The following ADAMTS19 variants were observed in gnomAD, a reference collection of about 807,000 sequenced individuals.
ADAMTS19 encodes the protein A disintegrin and metalloproteinase with thrombospondin motifs 19.
A neutral mutation model predicts 153.3 loss-of-function variants in ADAMTS19; 93 were observed. That is an observed-to-expected ratio of 0.61 (90% confidence interval 0.51 to 0.72). The LOEUF is 0.72. Among genes scored for constraint, ADAMTS19 ranks in the 30% least tolerant of loss-of-function variants. The probability of loss-of-function intolerance (pLI) is 0.00; values close to 1 mark genes in which losing one functional copy is unlikely to be tolerated. For missense variants in ADAMTS19, 1,482 were observed against 1,552.1 expected (o/e 0.95, Z 0.76); for synonymous variants, 600 against 556.6 (o/e 1.08, Z -1.10).
chr5:129,662,527 A>C (rs1753856247), intron 15 of ADAMTS19, among the ~76,000 whole-genome samples: 1 of 152,240 alleles, frequency 6.6e-6, no homozygotes, highest in African/African-American at 2.4e-5. Flanking sequence ...TGTAAATATA[A>C]CTATAAACTT....
At chr5:129,505,542 T>C (rs1751243065) in intron 2 of ADAMTS19, among the ~76,000 whole-genome samples, 1 of 152,138 alleles carries the variant, frequency 6.6e-6, no homozygotes, top group African/African-American at 2.4e-5. Flanking sequence ...ATGTTTTGAT[T>C]AGAAGTTGGT....
chr5:129,582,004 G>A (rs1392690738), intron 7 of ADAMTS19, among the ~76,000 whole-genome samples: 1 of 151,908 alleles, frequency 6.6e-6, no homozygotes, highest in Non-Finnish European at 1.5e-5. Context: ...TTGCTGAGGA[G>A]TGTTTTATTT....
chr5:129,547,091 T>C (rs554054592), intron 6 of ADAMTS19, among the ~76,000 whole-genome samples: 2 of 150,816 alleles, frequency 1.3e-5, no homozygotes, highest in African/African-American at 5.0e-5. Flanking sequence ...ATGGAAGAAA[T>C]GACTGTGCAG....
chr5:129,714,905 CTG>C (rs1458080428), intron 21 of ADAMTS19, among the ~76,000 whole-genome samples: 1 of 152,178 alleles, frequency 6.6e-6, no homozygotes, highest in Non-Finnish European at 1.5e-5. Context: ...TGCAAACAAT[CTG>C]TGTGTCCATT....
chr5:129,517,329 T>G (rs1751648043), intron 3 of ADAMTS19, among the ~76,000 whole-genome samples: 1 of 151,958 alleles, frequency 6.6e-6, no homozygotes, highest in South Asian at 2.1e-4. Context: ...AAATCTGATA[T>G]TTCTTGGTTG....
At chr5:129,522,328 C>CATATATATATATAT (rs1302441781) in intron 3 of ADAMTS19, among the ~76,000 whole-genome samples, 1 of 88,200 alleles carries the variant, frequency 1.1e-5, no homozygotes, top group African/African-American at 5.8e-5. Context: ...CACACACACA[C>CATATATATATATAT]ACACATATAT....
chr5:129,542,409 G>A (rs1372799522), intron 6 of ADAMTS19, among the ~76,000 whole-genome samples: 1 of 152,194 alleles, frequency 6.6e-6, no homozygotes, highest in Non-Finnish European at 1.5e-5. Context: ...AGGGACTAGA[G>A]TTGGGGAAGG....
At chr5:129,690,206 A>T (rs570576600) in intron 18 of ADAMTS19, among the ~76,000 whole-genome samples, 2 of 152,260 alleles carry the variant, frequency 1.3e-5, no homozygotes, top group South Asian at 4.1e-4. Flanking sequence ...TAATAATAAA[A>T]TCACCTTACT....
chr5:129,529,585 A>C (rs1364648334), intron 6 of ADAMTS19, among the ~76,000 whole-genome samples: 1 of 152,198 alleles, frequency 6.6e-6, no homozygotes, highest in African/African-American at 2.4e-5. Flanking sequence ...ATAAGACTGC[A>C]ATTCCTGAAA....
intron 21 of ADAMTS19, among the ~76,000 whole-genome samples, chr5:129,727,616 A>C (rs955981089): frequency 2.0e-5 from 3 of 152,128 alleles, no homozygotes; most frequent in Non-Finnish European, 4.4e-5. Flanking sequence ...TAATTCCAGC[A>C]CTTCTTGCCT....
chr5:129,677,490 A>T (rs981006344), intron 16 of ADAMTS19, among the ~76,000 whole-genome samples: 29 of 150,810 alleles, frequency 1.9e-4, no homozygotes, highest in African/African-American at 5.4e-4. Flanking sequence ...AAAAAAAAAA[A>T]GTTAACTTCT....
At chr5:129,641,830 CT>C (rs1752800103) in intron 10 of ADAMTS19, 28 bp from the exon 11 acceptor site, 2 of 1,451,866 alleles carry the variant, frequency 1.4e-6, no homozygotes, top group Non-Finnish European at 1.9e-6. Flanking sequence ...ATACCTTCCC[CT>C]TATTAGTTAT....
intron 11 of ADAMTS19, among the ~76,000 whole-genome samples, chr5:129,646,655 A>T (rs1226081580): frequency 6.6e-6 from 1 of 152,176 alleles, no homozygotes; most frequent in African/African-American, 2.4e-5. Flanking sequence ...TCCTAAAAAA[A>T]ACTGTTAGGT....
intron 8 of ADAMTS19, among the ~76,000 whole-genome samples, chr5:129,613,306 G>A (rs1237421904): frequency 2.6e-5 from 4 of 152,162 alleles, no homozygotes; most frequent in Admixed American, 6.6e-5. Flanking sequence ...TTCAGCAAAT[G>A]TAAAAGAACA....
chr5:129,605,224 C>G (rs1325918795), intron 8 of ADAMTS19, among the ~76,000 whole-genome samples: 3 of 152,184 alleles, frequency 2.0e-5, no homozygotes, highest in Admixed American at 6.5e-5. Flanking sequence ...CTTCTTTACT[C>G]AGAACCTTCC....
At chr5:129,696,768 T>C (rs960288082) in intron 19 of ADAMTS19, among the ~76,000 whole-genome samples, 1 of 152,134 alleles carries the variant, frequency 6.6e-6, no homozygotes, top group Non-Finnish European at 1.5e-5. Flanking sequence ...TGATTGGCTA[T>C]TGGTTGAGGG....
At chr5:129,735,391 C>G (rs1021929336) in intron 22 of ADAMTS19, among the ~76,000 whole-genome samples, 3 of 151,982 alleles carry the variant, frequency 2.0e-5, no homozygotes, top group African/African-American at 7.2e-5. Flanking sequence ...AAAATTTAGA[C>G]TCGGATCAAT....
intron 7 of ADAMTS19, among the ~76,000 whole-genome samples, chr5:129,571,868 A>G (rs12055149): frequency 0.51 from 77,396 of 151,668 alleles, 22,845 homozygotes; most frequent in Non-Finnish European, 0.66. Flanking sequence ...ATAGGGGCCA[A>G]TTGATTTTCT....
chr5:129,574,041 A>T lies in ADAMTS19; in HGVS notation c.1372+22134A>T, dbSNP rs185733613. Among the ~76,000 whole-genome samples the T allele has an allele frequency of 3.3e-5, 5 of 152,130 alleles. No homozygotes were observed. In the East Asian group the frequency reaches 5.8e-4, roughly 18 times the overall value. On this transcript the variant is annotated intron_variant, in intron 7 of 22. Transcript: ENST00000274487. Reference sequence around the variant, plus strand: ...GAACAATAATACTTGTTAAGCATCTACTAAGTACCACGGGTTTTAAAATGT... The same window carrying T: ...GAACAATAATACTTGTTAAGCATCTTCTAAGTACCACGGGTTTTAAAATGT...
Sources: gnomAD v4.1 joint callset for allele counts (sites outside exome capture counted in the v4.1 genomes callset) on GRCh38, gnomAD v4.1.1 for gene constraint, MANE v1.5 for transcripts, NCBI Gene and HGNC (gene_info 2026-07-23, HGNC 2026-07-21) for gene names.